MYH11: variants seen among roughly 807,000 people sequenced by gnomAD.
MYH11 encodes myosin-11.
A neutral mutation model predicts 246.6 loss-of-function variants in MYH11; 80 were observed. That is an observed-to-expected ratio of 0.32 (90% CI 0.27 to 0.39). The LOEUF is 0.39. Ranked by LOEUF, MYH11 falls within the 10% of genes least tolerant of loss-of-function variation. MYH11 has a pLI of 1.00. For synonymous variants in MYH11, 1,071 were observed against 1,015.5 expected (o/e 1.05, Z -1.04); for missense variants, 2,158 against 2,546.8 (o/e 0.85, Z 3.29).
chr16:15,710,317 T>A (rs1043791756), intron 40 of MYH11, among the ~76,000 whole-genome samples: 31 of 151,824 alleles, frequency 2.0e-4, no homozygotes, highest in Non-Finnish European at 4.4e-4. Context: ...GGTCAGGAGA[T>A]CGAGACCATC....
rs367724678 is a variant in MYH11 at position 15,720,116 on chromosome 16, C to T, written c.4953+35G>A. 1.3e-4 allele frequency: 215 copies of T among 1,613,944 alleles called. 1 individual carries two copies. In the South Asian group the frequency reaches 1.6e-3, roughly 12 times the overall value. ...TGGCCTGAGGGGAACTGTGCCCTCC[C>T]TCCACCCATGCCCCAAGCTCCTAGT... On this transcript the variant is annotated intron_variant, in intron 34 of 40. Coordinates refer to ENST00000300036, the MANE Select transcript of MYH11 (RefSeq NM_002474.3).
intron 19 of MYH11, among the ~76,000 whole-genome samples, chr16:15,747,224 T>C (rs981392726): frequency 5.3e-5 from 8 of 152,120 alleles, no homozygotes; most frequent in Non-Finnish European, 1.0e-4. Flanking sequence ...TCATGCGTTA[T>C]CTTAGTGACA....
At chr16:15,841,262 C>T (rs2044044132) in intron 1 of MYH11, among the ~76,000 whole-genome samples, 2 of 152,070 alleles carry the variant, frequency 1.3e-5, no homozygotes, top group Admixed American at 6.6e-5. Flanking sequence ...CTTAGCTTCC[C>T]GAGTAACTAG....
rs1261565972 is a variant in MYH11 at position 15,720,890 on chromosome 16, G to C, written c.4740C>G (p.Leu1580=). 1 of 1,613,954 alleles carries C rather than the reference G, an allele frequency of 6.2e-7. No individual in the cohort carries two copies. The highest frequency in any genetic ancestry group is 8.5e-7 in the Non-Finnish European group (1 of 1,180,020). The change falls in exon 33 of 41, where the codon CTC becomes CTG. Residue 1580 remains leucine, a synonymous_variant. Coordinates refer to ENST00000300036, the MANE Select transcript of MYH11 (RefSeq NM_002474.3). The part of the protein sequence containing the change: ...QALKGQFERD[L]QARDEQNEEK... ...CCTCATTCTGCTCGTCCCGGGCTTGGAGATCCCTTTCGAACTGGCCCTTGA... is the reference window on the plus strand; with the variant it reads ...CCTCATTCTGCTCGTCCCGGGCTTGCAGATCCCTTTCGAACTGGCCCTTGA...
intron 3 of MYH11, among the ~76,000 whole-genome samples, chr16:15,818,223 C>T (rs2043310599): frequency 6.6e-6 from 1 of 152,108 alleles, no homozygotes; most frequent in South Asian, 2.1e-4. Flanking sequence ...TCTCTCTCCA[C>T]CTTCATGGTA....
At chr16:15,727,193 G>T (rs1296579736) in intron 27 of MYH11, 139 bp from the exon 28 acceptor site, 2 of 750,700 alleles carry the variant, frequency 2.7e-6, no homozygotes, top group East Asian at 2.5e-5. Flanking sequence ...GAGATTTGGG[G>T]TTTTTTTGTT....
rs2041551704 is a variant in MYH11 at position 15,750,995 on chromosome 16, G to C, written c.1865-664C>G. 6.6e-6 allele frequency among the ~76,000 whole-genome samples: 1 copy of C among 152,078 alleles called. No homozygotes were observed. The highest frequency in any genetic ancestry group is 1.5e-5 in the Non-Finnish European group (1 of 68,028). On this transcript the variant is annotated intron_variant, in intron 15 of 40. Transcript: ENST00000300036. The surrounding 1 kb of genome is among the most constrained non-coding windows in gnomAD (Gnocchi z 4.3). ...GCTCTGCTAAGTTGATATTTGAGCAGAAACCAGCAAGAAATGAGTGGGTAA... is the reference window on the plus strand; with the variant it reads ...GCTCTGCTAAGTTGATATTTGAGCACAAACCAGCAAGAAATGAGTGGGTAA...
At chr16:15,825,108 C>T (rs1003077229) in intron 2 of MYH11, among the ~76,000 whole-genome samples, 6 of 152,120 alleles carry the variant, frequency 3.9e-5, no homozygotes, top group South Asian at 4.1e-4. Flanking sequence ...CGAAAAGTCA[C>T]GTACTCTATC....
chr16:15,744,871 G>C (rs1382880922), intron 20 of MYH11, among the ~76,000 whole-genome samples: 1 of 152,350 alleles, frequency 6.6e-6, no homozygotes, highest in East Asian at 1.9e-4. Context: ...GAGGAAGTGG[G>C]TGTGGCTATA....
At chr16:15,772,789 T>G (rs1596813825) in intron 8 of MYH11, among the ~76,000 whole-genome samples, 1 of 152,264 alleles carries the variant, frequency 6.6e-6, no homozygotes, top group East Asian at 1.9e-4. Context: ...ATCGCTTGCA[T>G]CACTGTCTGA....
intron 3 of MYH11, among the ~76,000 whole-genome samples, chr16:15,817,723 C>T (rs138731913): frequency 2.6e-4 from 40 of 152,252 alleles, no homozygotes; most frequent in Non-Finnish European, 2.6e-4. Flanking sequence ...AGCTCTGGCT[C>T]TGAGCTCCCT....
At chr16:15,794,051 C>T (rs1421621023) in intron 4 of MYH11, among the ~76,000 whole-genome samples, 10 of 147,984 alleles carry the variant, frequency 6.8e-5, no homozygotes, top group African/African-American at 2.3e-4. Context: ...TCACACCATT[C>T]TCCTGCCTCA....
intron 3 of MYH11, among the ~76,000 whole-genome samples, chr16:15,812,600 A>C (rs1055673344): frequency 2.1e-5 from 3 of 145,128 alleles, no homozygotes; most frequent in Non-Finnish European, 3.0e-5. Flanking sequence ...CACTAGGCAC[A>C]GTGGGCTCAC....
intron 2 of MYH11, among the ~76,000 whole-genome samples, chr16:15,836,715 G>A (rs1429904527): frequency 9.3e-6 from 1 of 107,728 alleles, no homozygotes; most frequent in Non-Finnish European, 1.9e-5. Flanking sequence ...ATTTTTTAAT[G>A]TTTCTTTTTT....
intron 3 of MYH11, among the ~76,000 whole-genome samples, chr16:15,818,493 C>T (rs1474944320): frequency 6.6e-5 from 10 of 151,962 alleles, no homozygotes; most frequent in African/African-American, 1.9e-4. Context: ...AGTGCAGTGG[C>T]GTGATCTCGG....
intron 19 of MYH11, 101 bp downstream of exon 19, chr16:15,747,469 C>T: frequency 1.5e-6 from 2 of 1,332,056 alleles, no homozygotes; most frequent in South Asian, 2.4e-5. Flanking sequence ...GTCAATGATG[C>T]ATCTTAAACA....
chr16:15,784,532 C>T (rs1437052671), intron 5 of MYH11, among the ~76,000 whole-genome samples: 3 of 151,972 alleles, frequency 2.0e-5, no homozygotes, highest in African/African-American at 4.8e-5. Context: ...ATCAGACACC[C>T]ACAGGATGGT....
intron 3 of MYH11, among the ~76,000 whole-genome samples, chr16:15,813,660 A>G (rs1313138822): frequency 6.6e-6 from 1 of 152,032 alleles, no homozygotes; most frequent in East Asian, 1.9e-4. Flanking sequence ...TCCTTCCTAA[A>G]CCTTACTAAA....
chr16:15,707,711 C>G (rs1051261625), intron 40 of MYH11, among the ~76,000 whole-genome samples: 1 of 152,176 alleles, frequency 6.6e-6, no homozygotes, highest in Admixed American at 6.5e-5. Context: ...GTTGGTCATG[C>G]TTGTAATCCC....
Sources: allele counts gnomAD v4.1 joint callset (sites outside exome capture counted in the v4.1 genomes callset), GRCh38; gene constraint gnomAD v4.1.1; non-coding constraint Gnocchi (gnomAD v3.1); transcripts MANE v1.5; gene names NCBI Gene and HGNC (gene_info 2026-07-23, HGNC 2026-07-21).